NUP35: variants seen among roughly 807,000 people sequenced by gnomAD.
The protein encoded by NUP35 is nucleoporin NUP35.
In NUP35, 25 loss-of-function variants were observed where a neutral mutation model predicts 41.5. The observed-to-expected ratio is 0.60, with a 90% CI of 0.44 to 0.84. The LOEUF (loss-of-function observed/expected upper bound fraction) is 0.84. NUP35 is among the 40% of genes least tolerant of loss of function. The pLI is 0.00. For synonymous variants in NUP35, 149 were observed against 130.7 expected (o/e 1.14, Z -0.96); for missense variants, 396 against 396.6 (o/e 1.00, Z 0.01).
chr2:183,156,594 G>A (rs1559156547), intron 5 of NUP35, among the ~76,000 whole-genome samples: 3 of 152,136 alleles, frequency 2.0e-5, no homozygotes, highest in Non-Finnish European at 4.4e-5. Flanking sequence ...ACCCACCTCG[G>A]CCTCCCAAAG....
At chr2:183,131,204 C>T (rs1011633227) in intron 3 of NUP35, 1 of 168,152 alleles carries the variant, frequency 5.9e-6, no homozygotes, top group African/African-American at 2.4e-5. Context: ...ACCTTGACCT[C>T]TCAAAGCGCT....
chr2:183,125,181 A>AT (rs1389778273), intron 1 of NUP35, among the ~76,000 whole-genome samples: 3 of 151,808 alleles, frequency 2.0e-5, no homozygotes, highest in Admixed American at 6.6e-5. Context: ...CACGATCTGA[A>AT]TTTTTTTAAA....
chr2:183,158,922 G>C lies in NUP35; in HGVS notation c.738+511G>C, dbSNP rs149736179. 3.5e-3 allele frequency among the ~76,000 whole-genome samples: 532 copies of C among 152,174 alleles called. 3 individuals are homozygous for C. Among genetic ancestry groups the C allele is most frequent in the African/African-American group, 0.012 (506 of 41,542 alleles). ...AATAGTACAGAGTACAATTTAAACT[G>C]TTCTTTGTGGCTTGTTAAATCATTG... On this transcript the variant is annotated intron_variant, in intron 7 of 8. Transcript: ENST00000295119.
intron 3 of NUP35, among the ~76,000 whole-genome samples, chr2:183,132,224 G>T (rs1193166094): frequency 1.3e-5 from 2 of 151,930 alleles, no homozygotes; most frequent in African/African-American, 2.4e-5. Flanking sequence ...GATTTGTCCT[G>T]TTGCCCAGGG....
intron 4 of NUP35, among the ~76,000 whole-genome samples, chr2:183,141,589 A>G (rs1400275953): frequency 6.6e-6 from 1 of 152,158 alleles, no homozygotes. Flanking sequence ...TGCTGAACCA[A>G]TTAATATGAT....
chr2:183,155,574 A>G lies in NUP35; in HGVS notation c.540-1870A>G, dbSNP rs946711326. Among the ~76,000 whole-genome samples the G allele has an allele frequency of 5.6e-5, 7 of 124,606 alleles. No homozygotes were observed. In the Admixed American group the frequency reaches 7.3e-4, roughly 13 times the overall value. 81.7% of individuals were successfully genotyped at this position (124,606 alleles called of 152,430 possible). On this transcript the variant is annotated intron_variant, in intron 5 of 8. Coordinates refer to ENST00000295119, the MANE Select transcript of NUP35 (RefSeq NM_138285.5). ...TTTACATTTTTATAGTCTCTCATAA[A>G]ATGGCTTTTTTTTTTTTTTGAGACA... is the stretch of plus-strand genomic sequence containing the variant.
intron 5 of NUP35, among the ~76,000 whole-genome samples, chr2:183,151,864 A>T (rs1295742636): frequency 2.0e-5 from 3 of 152,220 alleles, no homozygotes. Flanking sequence ...TAAGTTGTAG[A>T]CATCAATACA....
intron 6 of NUP35, 56 bp from the exon 7 acceptor site, chr2:183,158,227 A>C: frequency 8.3e-7 from 1 of 1,211,376 alleles, no homozygotes; most frequent in Non-Finnish European, 1.1e-6. Flanking sequence ...AGTAGAATTC[A>C]TTAGATGTAG....
chr2:183,153,224 G>A (rs1685530663), intron 5 of NUP35, among the ~76,000 whole-genome samples: 1 of 152,122 alleles, frequency 6.6e-6, no homozygotes, highest in African/African-American at 2.4e-5. Context: ...GATGTGGGTG[G>A]AGACACAGCC....
intron 3 of NUP35, chr2:183,131,012 T>C: frequency 2.2e-6 from 2 of 891,992 alleles, no homozygotes; most frequent in Non-Finnish European, 3.2e-6. Flanking sequence ...AACAGGGTCC[T>C]GATCAGTTGC....
chr2:183,123,628 C>T, upstream of NUP35: 2 of 216,528 alleles, frequency 9.2e-6, no homozygotes, highest in South Asian at 3.3e-4. Flanking sequence ...CCCAGTTATA[C>T]ATATGTAGCA....
chr2:183,156,639 C>G (rs1206193562), intron 5 of NUP35, among the ~76,000 whole-genome samples: 1 of 152,100 alleles, frequency 6.6e-6, no homozygotes, highest in Non-Finnish European at 1.5e-5. Context: ...GCCATCGTGC[C>G]CAGCCTCACA....
intron 4 of NUP35, among the ~76,000 whole-genome samples, chr2:183,136,185 AT>A (rs1226514663): frequency 6.6e-6 from 1 of 152,164 alleles, no homozygotes; most frequent in Non-Finnish European, 1.5e-5. Flanking sequence ...CCATTTCCAC[AT>A]TTTTACTTGG....
chr2:183,156,593 G>T (rs545882978), intron 5 of NUP35, among the ~76,000 whole-genome samples: 2 of 152,152 alleles, frequency 1.3e-5, no homozygotes, highest in East Asian at 1.9e-4. Context: ...CACCCACCTC[G>T]GCCTCCCAAA....
intron 4 of NUP35, among the ~76,000 whole-genome samples, chr2:183,139,204 C>A (rs1043374594): frequency 1.1e-5 from 1 of 89,912 alleles, no homozygotes; most frequent in Non-Finnish European, 2.2e-5. Context: ...TTTTGCATTT[C>A]TTTCTTTCTT....
In NUP35 at chr2:183,147,153, G is replaced by T. The variant is rs527997717; in HGVS notation, c.398-4355G>T. 2.0e-5 allele frequency among the ~76,000 whole-genome samples: 3 copies of T among 152,206 alleles called. No individual in the cohort carries two copies. The South Asian group carries it at 6.2e-4, about 32-fold the overall frequency. On this transcript the variant is annotated intron_variant, in intron 4 of 8. Transcript: ENST00000295119. ...CATGTTTTCTCCTATTCTGTAGGTT[G>T]TCGATTTATTCTTTTGATAGTTTCT... is the stretch of plus-strand genomic sequence containing the variant.
chr2:183,145,201 C>T (rs1225685758), intron 4 of NUP35, among the ~76,000 whole-genome samples: 1 of 152,140 alleles, frequency 6.6e-6, no homozygotes, highest in African/African-American at 2.4e-5. Flanking sequence ...TAAGTAGATT[C>T]TTAAAAATAT....
At chr2:183,152,725 T>C (rs1250591404) in intron 5 of NUP35, among the ~76,000 whole-genome samples, 5 of 152,216 alleles carry the variant, frequency 3.3e-5, no homozygotes, top group African/African-American at 7.2e-5. Context: ...TAATGTTTTA[T>C]TTTACAGGTG....
At chr2:183,139,933 T>C (rs1291902316) in intron 4 of NUP35, among the ~76,000 whole-genome samples, 2 of 152,220 alleles carry the variant, frequency 1.3e-5, no homozygotes. Context: ...TATGTAAATA[T>C]TGTTTTGAGA....
Sources: gnomAD v4.1 joint callset for allele counts (sites outside exome capture counted in the v4.1 genomes callset) on GRCh38, gnomAD v4.1.1 for gene constraint, MANE v1.5 for transcripts, NCBI Gene and HGNC (gene_info 2026-07-23, HGNC 2026-07-21) for gene names.